The following ZNF564 variants were observed in gnomAD, a reference collection of about 807,000 sequenced individuals.
The protein encoded by ZNF564 is zinc finger protein 564.
A neutral mutation model predicts 10.5 loss-of-function variants in ZNF564; 5 were observed. That is an observed-to-expected ratio of 0.48 (90% CI 0.25 to 1.00). The LOEUF (loss-of-function observed/expected upper bound fraction) is 1.00. Ranked by LOEUF, ZNF564 falls within the 50% of genes least tolerant of loss-of-function variation. The pLI is 0.16. For synonymous variants in ZNF564, 242 were observed against 218.1 expected, an observed-to-expected ratio of 1.11 and a Z score of -0.97; for missense variants, 603 against 669.7, an observed-to-expected ratio of 0.90 and a Z score of 1.10.
chr19:12,533,498 G>A (rs149999498), intron 1 of ZNF564, among the ~76,000 whole-genome samples: 57 of 152,166 alleles, frequency 3.7e-4, no homozygotes, highest in African/African-American at 1.1e-3. Flanking sequence ...AGGCCAAGGC[G>A]GGCAGATTAC....
intron 1 of ZNF564, chr19:12,548,884 A>C (rs957178895): frequency 7.1e-6 from 5 of 702,526 alleles, no homozygotes; most frequent in Non-Finnish European, 1.3e-5. Context: ...AAGATATTTT[A>C]GAGAATCTCT....
intron 1 of ZNF564, among the ~76,000 whole-genome samples, chr19:12,543,329 A>G (rs1025495516): frequency 8.4e-4 from 71 of 84,564 alleles, no homozygotes; most frequent in Admixed American, 2.0e-3. Flanking sequence ...AGAGAAGGGG[A>G]GGGGAGGGGA....
intron 3 of ZNF564, 142 bp downstream of exon 3, chr19:12,528,162 T>A: frequency 1.1e-6 from 1 of 889,072 alleles, no homozygotes; most frequent in Non-Finnish European, 1.7e-6. Context: ...ACTGAACATC[T>A]ATGCCACTTT....
In ZNF564 at chr19:12,526,373, C is replaced by G. The variant is rs2021680775; in HGVS notation, c.*73G>C. 3 of 1,473,820 alleles carry G rather than the reference C, an allele frequency of 2.0e-6. No homozygotes were observed. The highest frequency in any genetic ancestry group is 2.7e-6 in the Non-Finnish European group (3 of 1,102,446). The allele number at this position is 1,473,820 out of a possible 1,614,324, so 91.3% of individuals were successfully genotyped here. A position where few individuals can be genotyped will look rare whatever the true frequency, so the allele number is the denominator to read the frequency against. On this transcript the variant is annotated 3_prime_UTR_variant, in exon 4 of 4. Transcript: ENST00000339282. Reference sequence around the variant, plus strand: ...GAAAGGGGTGAGCTCCCAAACAAGTCTGAAACCCAGAAAGCAAACTGAAGA... The same window carrying G: ...GAAAGGGGTGAGCTCCCAAACAAGTGTGAAACCCAGAAAGCAAACTGAAGA...
chr19:12,545,416 G>A (rs1287208462), intron 1 of ZNF564, among the ~76,000 whole-genome samples: 24 of 152,054 alleles, frequency 1.6e-4, no homozygotes, highest in Admixed American at 1.4e-3. Flanking sequence ...GACCTCTGGT[G>A]TCCTTTCTGT....
intron 1 of ZNF564, among the ~76,000 whole-genome samples, chr19:12,535,101 T>C (rs2021884037): frequency 1.3e-5 from 2 of 151,932 alleles, no homozygotes; most frequent in East Asian, 2.0e-4. Flanking sequence ...GGGCCAGGTG[T>C]GGTGGCTCAC....
intron 1 of ZNF564, among the ~76,000 whole-genome samples, chr19:12,539,104 G>A (rs1041787078): frequency 1.2e-4 from 18 of 150,396 alleles, no homozygotes; most frequent in Non-Finnish European, 1.3e-4. Context: ...CATGGTGGTG[G>A]GCGCCTGTAA....
intron 1 of ZNF564, among the ~76,000 whole-genome samples, chr19:12,533,637 G>T (rs1845517913): frequency 7.4e-6 from 1 of 135,788 alleles, no homozygotes. Flanking sequence ...TGAGATACAA[G>T]AATCACTTGA....
rs764427313 is a variant in ZNF564 at position 12,526,490 on chromosome 19, G to A, written c.1618C>T (p.Leu540Phe). The A allele has an allele frequency of 6.2e-7, 1 of 1,607,520 alleles. No homozygotes were observed. The highest frequency in any genetic ancestry group is 1.3e-5 in the African/African-American group (1 of 74,416). Residue 540 changes from leucine to phenylalanine, a missense_variant, in exon 4 of 4, where the codon CTT (leucine) becomes TTT (phenylalanine). Leu to Phe is a conservative substitution (Grantham distance 22). Coordinates refer to ENST00000339282, the MANE Select transcript of ZNF564 (RefSeq NM_144976.4). ...TTCGAAGGTTGTGTGATAAATGAAA[G>A]CTTTCCCACATTCTTTACGTAAGGT... ...DKPYVKNVGK[L>F]SFITQPSNTC...
At chr19:12,544,187 T>C (rs1304476365) in intron 1 of ZNF564, among the ~76,000 whole-genome samples, 1 of 152,182 alleles carries the variant, frequency 6.6e-6, no homozygotes, top group Non-Finnish European at 1.5e-5. Context: ...ATTAGGACAC[T>C]ATGGCAGTAG....
At chr19:12,533,114 G>A (rs1407051526) in intron 1 of ZNF564, 1 of 151,812 alleles carries the variant, frequency 6.6e-6, no homozygotes, top group Non-Finnish European at 1.5e-5. Context: ...CAAATACTGG[G>A]GCATAAAACA....
In ZNF564 at chr19:12,539,484, C is replaced by T. The variant is rs1322146588; in HGVS notation, c.4-10788G>A. Among the ~76,000 whole-genome samples, 4 of 147,216 alleles carry T rather than the reference C, an allele frequency of 2.7e-5. No individual in the cohort carries two copies. The South Asian group carries it at 6.5e-4, about 24-fold the overall frequency. On this transcript the variant is annotated intron_variant, in intron 1 of 3. Coordinates refer to ENST00000339282, the MANE Select transcript of ZNF564 (RefSeq NM_144976.4). ...ACCATCCTGGCTAACATGGTGAAAC[C>T]CCATCTCTAATAAAAATACAAAAAA...
chr19:12,546,851 G>A (rs2022164857), intron 1 of ZNF564, among the ~76,000 whole-genome samples: 1 of 152,098 alleles, frequency 6.6e-6, no homozygotes, highest in Non-Finnish European at 1.5e-5. Flanking sequence ...CAACCTTAAT[G>A]GTTAAGTTTC....
intron 1 of ZNF564, among the ~76,000 whole-genome samples, chr19:12,540,214 G>T (rs920452253): frequency 1.3e-5 from 2 of 152,332 alleles, no homozygotes; most frequent in East Asian, 3.9e-4. Context: ...ATCATTTCAA[G>T]TGGGGCATGT....
intron 1 of ZNF564, among the ~76,000 whole-genome samples, chr19:12,531,410 T>C (rs1313218730): frequency 1.3e-5 from 2 of 151,718 alleles, no homozygotes; most frequent in Admixed American, 1.3e-4. Flanking sequence ...CTACTAAAAA[T>C]ACAAAAATTA....
chr19:12,548,753 T>G, intron 1 of ZNF564: 1 of 698,936 alleles, frequency 1.4e-6, no homozygotes, highest in South Asian at 1.5e-5. Flanking sequence ...TAATATTTAA[T>G]TCACTAATAT....
rs769396775 is a variant in ZNF564, at chr19:12,526,445, A to C, written c.*1T>G. Reference sequence around the variant, plus strand: ...GTAGATACTTGTAGACCTGTCCTCCACTATTCATTTTCACAGGTATTCGAA... The same window carrying C: ...GTAGATACTTGTAGACCTGTCCTCCCCTATTCATTTTCACAGGTATTCGAA... On this transcript the variant is annotated 3_prime_UTR_variant, in exon 4 of 4. Transcript: ENST00000339282. 1.1e-5 allele frequency: 18 copies of C among 1,582,048 alleles called. No individual in the cohort carries two copies. Among genetic ancestry groups the C allele is most frequent in the Non-Finnish European group, 1.5e-5 (18 of 1,166,750 alleles).
intron 1 of ZNF564, chr19:12,548,257 G>A (rs917110364): frequency 1.3e-4 from 115 of 891,444 alleles, no homozygotes; most frequent in Middle Eastern, 1.2e-3. Context: ...TAGCTCTGTC[G>A]CCCAGGCTGG....
chr19:12,528,196 T>C, intron 3 of ZNF564, 108 bp downstream of exon 3: 1 of 1,137,092 alleles, frequency 8.8e-7, no homozygotes. Flanking sequence ...GAAAAAGTTG[T>C]AGGAATAAAT....
Sources: allele counts gnomAD v4.1 joint callset (sites outside exome capture counted in the v4.1 genomes callset), GRCh38; gene constraint gnomAD v4.1.1; transcripts MANE v1.5; gene names NCBI Gene and HGNC (gene_info 2026-07-23, HGNC 2026-07-21).